The following EBF1 variants were observed in gnomAD, a reference collection of about 807,000 sequenced individuals.
EBF1 encodes transcription factor COE1.
Under a neutral mutation model 68.4 loss-of-function variants are expected in EBF1, and 10 were observed. The ratio of observed to expected loss-of-function variants is 0.15; its 90% CI spans 0.09 to 0.25. The LOEUF (loss-of-function observed/expected upper bound fraction) is 0.25. Among genes scored for constraint, EBF1 ranks in the 10% least tolerant of loss-of-function variants. EBF1 has a pLI of 1.00. For synonymous variants in EBF1, 298 were observed against 299.8 expected, an observed-to-expected ratio of 0.99 and a Z score of 0.06; for missense variants, 509 against 794.4, an observed-to-expected ratio of 0.64 and a Z score of 4.32.
chr5:158,728,350 C>G (rs1581379982), intron 11 of EBF1, among the ~76,000 whole-genome samples: 1 of 152,056 alleles, frequency 6.6e-6, no homozygotes, highest in Non-Finnish European at 1.5e-5. Context: ...TTTCCAAACC[C>G]AGGAAAAAAG....
chr5:158,979,570 G>T (rs1757490992), intron 6 of EBF1, among the ~76,000 whole-genome samples: 1 of 152,034 alleles, frequency 6.6e-6, no homozygotes, highest in Non-Finnish European at 1.5e-5. Context: ...CAGGCAAAGT[G>T]CACTTTATCA....
Position 158,869,463 on chromosome 5 carries a change from A to C in EBF1, c.555-29353T>G, listed in dbSNP as rs1415100619. ...GAATACCCGCCCCCGACCTTTTAAC[A>C]TCATTTCATTGCATGAAATCCTTGA... On this transcript the variant is annotated intron_variant, in intron 6 of 15. Coordinates refer to ENST00000313708, the MANE Select transcript of EBF1 (RefSeq NM_024007.5). Among the ~76,000 whole-genome samples, 3 of 152,138 alleles carry C rather than the reference A, an allele frequency of 2.0e-5. No homozygotes were observed. The East Asian group carries it at 5.8e-4, about 29-fold the overall frequency.
intron 5 of EBF1, among the ~76,000 whole-genome samples, chr5:159,083,429 C>T (rs1780072149): frequency 6.6e-6 from 1 of 152,084 alleles, no homozygotes; most frequent in African/African-American, 2.4e-5. Flanking sequence ...GAAAAACAAC[C>T]TATTTTCATA....
At chr5:158,835,985 C>T (rs1788695232) in intron 7 of EBF1, among the ~76,000 whole-genome samples, 1 of 152,116 alleles carries the variant, frequency 6.6e-6, no homozygotes, top group South Asian at 2.1e-4. Flanking sequence ...AAGGTAAACA[C>T]ATGGACACAT....
At chr5:158,952,070 CG>C (rs1358596311) in intron 6 of EBF1, among the ~76,000 whole-genome samples, 1 of 152,170 alleles carries the variant, frequency 6.6e-6, no homozygotes, top group Admixed American at 6.5e-5. Flanking sequence ...CTCCTAACCA[CG>C]GTAATGTTCA....
intron 6 of EBF1, among the ~76,000 whole-genome samples, chr5:158,959,984 T>C (rs924867741): frequency 6.6e-6 from 1 of 152,146 alleles, no homozygotes; most frequent in African/African-American, 2.4e-5. Context: ...AATAGCAGAA[T>C]TGACACCTAC....
chr5:158,873,316 T>G (rs1324464368), intron 6 of EBF1, among the ~76,000 whole-genome samples: 1 of 152,214 alleles, frequency 6.6e-6, no homozygotes, highest in East Asian at 1.9e-4. Flanking sequence ...CCTCTTTTTA[T>G]GCATCACTCA....
At chr5:159,011,513 G>T (rs1764659772) in intron 6 of EBF1, among the ~76,000 whole-genome samples, 1 of 152,316 alleles carries the variant, frequency 6.6e-6, no homozygotes, top group South Asian at 2.1e-4. Context: ...TGGGGGGCTG[G>T]TTAAAATAAT....
At chr5:158,750,441 G>A (rs1022845370) in intron 10 of EBF1, among the ~76,000 whole-genome samples, 1 of 151,876 alleles carries the variant, frequency 6.6e-6, no homozygotes, top group African/African-American at 2.4e-5. Flanking sequence ...TCCTAACTGG[G>A]CAGATAATAT....
intron 7 of EBF1, among the ~76,000 whole-genome samples, chr5:158,838,513 G>T (rs997568449): frequency 6.6e-6 from 1 of 151,230 alleles, no homozygotes; most frequent in African/African-American, 2.4e-5. Context: ...CAAGCCAAAA[G>T]GTGGTGAAGC....
intron 9 of EBF1, among the ~76,000 whole-genome samples, chr5:158,780,267 G>C (rs13162059): frequency 0.093 from 14,211 of 152,152 alleles, 789 homozygotes; most frequent in African/African-American, 0.14. Context: ...GACCCAACAT[G>C]CTAGAGGAGG....
rs1306805644 is a variant in EBF1 at position 158,916,719 on chromosome 5, C to T, written c.555-76609G>A. Among the ~76,000 whole-genome samples the T allele has an allele frequency of 4.6e-5, 7 of 152,140 alleles. No homozygotes were observed. In the East Asian group the frequency reaches 1.3e-3, roughly 29 times the overall value. ...CTGACTTCCATGTTATAACTGTGTG[C>T]TTCAATGCTGGCCAAATTTAATCAT... On this transcript the variant is annotated intron_variant, in intron 6 of 15. Transcript: ENST00000313708.
intron 11 of EBF1, among the ~76,000 whole-genome samples, chr5:158,727,731 C>T (rs1343034560): frequency 2.0e-5 from 3 of 152,138 alleles, no homozygotes; most frequent in African/African-American, 4.8e-5. Context: ...AGCAGGATTC[C>T]GCTTGCTCCC....
chr5:159,052,996 G>A (rs1187935651), intron 6 of EBF1, among the ~76,000 whole-genome samples: 2 of 152,228 alleles, frequency 1.3e-5, no homozygotes, highest in Admixed American at 6.5e-5. Context: ...AAGCCCAGGG[G>A]AGCAATGACC....
At chr5:158,796,297 C>T (rs748704839) in intron 9 of EBF1, 48 bp downstream of exon 9, 3 of 1,561,938 alleles carry the variant, frequency 1.9e-6, no homozygotes, top group Non-Finnish European at 2.6e-6. Flanking sequence ...TAGACAGTAT[C>T]TTCAACTAGA....
chr5:158,953,917 G>A (rs944366729), intron 6 of EBF1, among the ~76,000 whole-genome samples: 1 of 152,040 alleles, frequency 6.6e-6, no homozygotes, highest in Non-Finnish European at 1.5e-5. Context: ...CATAATTAGG[G>A]GAAAAATATG....
chr5:159,049,939 T>C (rs2127809496), intron 6 of EBF1, among the ~76,000 whole-genome samples: 1 of 152,276 alleles, frequency 6.6e-6, no homozygotes, highest in Non-Finnish European at 1.5e-5. Flanking sequence ...ATTTGGTGGG[T>C]CCTAACGCTT....
chr5:158,906,830 C>G (rs549539794), intron 6 of EBF1, among the ~76,000 whole-genome samples: 40 of 152,280 alleles, frequency 2.6e-4, no homozygotes, highest in African/African-American at 9.4e-4. Context: ...GTGAAAAATT[C>G]AAAGAAATGG....
At chr5:159,026,495 T>C (rs1435158664) in intron 6 of EBF1, among the ~76,000 whole-genome samples, 3 of 151,986 alleles carry the variant, frequency 2.0e-5, no homozygotes, top group African/African-American at 7.2e-5. Context: ...GAAATAACAT[T>C]TCCCATTAGC....
Sources: allele counts gnomAD v4.1 joint callset (sites outside exome capture counted in the v4.1 genomes callset), GRCh38; gene constraint gnomAD v4.1.1; transcripts MANE v1.5; gene names NCBI Gene and HGNC (gene_info 2026-07-23, HGNC 2026-07-21).